The following ZDHHC20 variants were observed in gnomAD, a reference collection of about 807,000 sequenced individuals.
The protein encoded by ZDHHC20 is zDHHC palmitoyltransferase 20.
In ZDHHC20, 43 loss-of-function variants were observed where a neutral mutation model predicts 57.8. That is an observed-to-expected ratio of 0.74 (90% confidence interval 0.58 to 0.96). ZDHHC20 has a LOEUF of 0.96. Ranked by LOEUF, ZDHHC20 falls within the 40% of genes least tolerant of loss-of-function variation. ZDHHC20 has a pLI of 0.00. For synonymous variants in ZDHHC20, 157 were observed against 153.0 expected, an observed-to-expected ratio of 1.03 and a Z score of -0.19; for missense variants, 391 against 441.1, an observed-to-expected ratio of 0.89 and a Z score of 1.02.
At chr13:21,431,676 T>TC (rs1237883136) in intron 1 of ZDHHC20, among the ~76,000 whole-genome samples, 1 of 152,244 alleles carries the variant, frequency 6.6e-6, no homozygotes, top group Non-Finnish European at 1.5e-5. Context: ...ATTTAGCTGT[T>TC]CTAAAAAATA....
chr13:21,402,217 T>C (rs1481792989), intron 5 of ZDHHC20, among the ~76,000 whole-genome samples: 1 of 152,110 alleles, frequency 6.6e-6, no homozygotes, highest in East Asian at 1.9e-4. Context: ...TAGGAGGAAA[T>C]AAGTCAAAAT....
chr13:21,449,561 G>C (rs1176585955), intron 1 of ZDHHC20, among the ~76,000 whole-genome samples: 1 of 152,050 alleles, frequency 6.6e-6, no homozygotes, highest in Non-Finnish European at 1.5e-5. Flanking sequence ...ACTGGCCAAA[G>C]CAAGTACAAG....
chr13:21,400,699 T>G (rs1027157997), intron 6 of ZDHHC20, among the ~76,000 whole-genome samples: 10 of 152,174 alleles, frequency 6.6e-5, no homozygotes, highest in Non-Finnish European at 1.2e-4. Context: ...TACTGAACTG[T>G]ACCCTAAGAA....
At chr13:21,411,810 T>C (rs1218826356) in intron 4 of ZDHHC20, among the ~76,000 whole-genome samples, 1 of 152,096 alleles carries the variant, frequency 6.6e-6, no homozygotes, top group African/African-American at 2.4e-5. Context: ...ATATTTAGAG[T>C]TTCTACCACG....
chr13:21,380,049 T>C (rs1479814958), intron 11 of ZDHHC20, among the ~76,000 whole-genome samples: 1 of 151,746 alleles, frequency 6.6e-6, no homozygotes, highest in Non-Finnish European at 1.5e-5. Context: ...TCTCGTGACC[T>C]CGTGATCCGC....
chr13:21,446,659 T>A (rs1227392417), intron 1 of ZDHHC20, among the ~76,000 whole-genome samples: 2 of 152,224 alleles, frequency 1.3e-5, no homozygotes, highest in African/African-American at 2.4e-5. Flanking sequence ...TATTCTTTAT[T>A]ATATCAGTCA....
At chr13:21,380,529 C>T (rs936533399) in intron 11 of ZDHHC20, among the ~76,000 whole-genome samples, 25 of 151,912 alleles carry the variant, frequency 1.6e-4, no homozygotes, top group Non-Finnish European at 2.5e-4. Flanking sequence ...CATGGTGGCT[C>T]ATGCCTATAA....
chr13:21,381,443 C>T lies in ZDHHC20; in HGVS notation c.1051G>A (p.Val351Ile), dbSNP rs185661667. ...WLENGAEEGI[V>I]KSGTNNHVTV... is the part of the protein sequence containing the mutation. ...AAATGAGAACTATTACCTGATTTGA[C>T]GATGCCTTCTTCAGCTCCATTCTCC... is the stretch of plus-strand genomic sequence containing the variant. Residue 351 changes from valine to isoleucine, a missense_variant, in exon 11 of 13, where the codon GTC becomes ATC. Around this residue, in one of 3 missense-constraint regions of ZDHHC20, gnomAD observed 197 missense variants for 220.8 expected, o/e 0.89. Transcript: ENST00000400590. The T allele has an allele frequency of 1.1e-3, 1,827 of 1,613,070 alleles. 1 individual carries two copies. The highest frequency in any genetic ancestry group is 2.3e-3 in the African/African-American group (175 of 75,010).
intron 1 of ZDHHC20, among the ~76,000 whole-genome samples, chr13:21,448,963 T>C (rs1250227906): frequency 9.5e-6 from 1 of 105,500 alleles, no homozygotes; most frequent in East Asian, 2.1e-4. Context: ...CCACTCAGGG[T>C]TAAATGGATT....
At chr13:21,404,266 T>C (rs75673828) in intron 4 of ZDHHC20, 7,850 of 477,696 alleles carry the variant, frequency 0.016, 419 homozygotes, top group African/African-American at 0.13. Context: ...GTTTCCACTT[T>C]CTTCAGCCTT....
intron 12 of ZDHHC20, 143 bp downstream of exon 12, chr13:21,378,518 G>A (rs1028924325): frequency 7.9e-6 from 3 of 381,440 alleles, no homozygotes; most frequent in African/African-American, 6.2e-5. Flanking sequence ...TTGGGCAGAT[G>A]TTACATTCTA....
At position 21,421,083 on chromosome 13, in the gene ZDHHC20, G is replaced by C. The variant is rs1880593725; in HGVS notation, c.227C>G (p.Ser76Cys). The C allele has an allele frequency of 1.2e-6, 2 of 1,612,762 alleles. No individual in the cohort carries two copies. Among genetic ancestry groups the C allele is most frequent in the Non-Finnish European group, 1.7e-6 (2 of 1,179,480 alleles). Residue 76 changes from serine to cysteine, a missense_variant, in exon 3 of 13, where the codon TCT (serine) becomes TGT (cysteine). Physicochemically the swap from Ser to Cys is moderately radical, Grantham distance 112 (BLOSUM62 -1). Around this residue, in one of 3 missense-constraint regions of ZDHHC20, gnomAD observed 185 missense variants for 188.0 expected, o/e 0.98. Transcript: ENST00000400590. ...TACCTCTTTGGAGGGGGAAGCGGGA[G>C]ATGTGAAAATTGTCATCCAATAGGA... ...VWSYWMTIFT[S>C]PASPSKEFYL...
intron 1 of ZDHHC20, among the ~76,000 whole-genome samples, chr13:21,440,652 A>ATATATGTGTG (rs754122040): frequency 1.3e-5 from 2 of 151,952 alleles, no homozygotes; most frequent in Non-Finnish European, 2.9e-5. Flanking sequence ...GTGTGTGTAT[A>ATATATGTGTG]TATATATATG....
intron 1 of ZDHHC20, among the ~76,000 whole-genome samples, chr13:21,447,055 T>C (rs1003503888): frequency 6.6e-6 from 1 of 152,066 alleles, no homozygotes; most frequent in African/African-American, 2.4e-5. Context: ...TTCTGACTGC[T>C]TCCTGGAGAA....
At chr13:21,439,279 C>T (rs1466055317) in intron 1 of ZDHHC20, among the ~76,000 whole-genome samples, 9 of 152,114 alleles carry the variant, frequency 5.9e-5, no homozygotes, top group Admixed American at 1.3e-4. Context: ...GCAAGAGGAT[C>T]GCTTGAGCCC....
chr13:21,413,949 C>T (rs1879578356), intron 3 of ZDHHC20, among the ~76,000 whole-genome samples, 177 bp from the exon 4 acceptor site: 1 of 152,126 alleles, frequency 6.6e-6, no homozygotes, highest in Non-Finnish European at 1.5e-5. Context: ...ATACCTTTGG[C>T]ATATTAAAAA....
At chr13:21,416,478 C>T (rs1879991855) in intron 3 of ZDHHC20, among the ~76,000 whole-genome samples, 1 of 152,062 alleles carries the variant, frequency 6.6e-6, no homozygotes, top group Non-Finnish European at 1.5e-5. Flanking sequence ...GAGGTGTTGT[C>T]CCAGATATCA....
chr13:21,432,336 T>A (rs1307080570), intron 1 of ZDHHC20, among the ~76,000 whole-genome samples: 1 of 151,386 alleles, frequency 6.6e-6, no homozygotes, highest in African/African-American at 2.4e-5. Flanking sequence ...CACTAATTTT[T>A]TTTTTTTTTT....
At chr13:21,411,922 G>A (rs1684973378) in intron 4 of ZDHHC20, among the ~76,000 whole-genome samples, 1 of 152,206 alleles carries the variant, frequency 6.6e-6, no homozygotes, top group Admixed American at 6.5e-5. Context: ...CAGTATTGTA[G>A]GAGCTTGAAG....
Sources: gnomAD v4.1 joint callset for allele counts (sites outside exome capture counted in the v4.1 genomes callset) on GRCh38, gnomAD v4.1.1 for gene constraint, gnomAD v4.1.1 regional missense constraint, MANE v1.5 for transcripts, NCBI Gene and HGNC (gene_info 2026-07-23, HGNC 2026-07-21) for gene names.